CPAMD8: variants seen among roughly 807,000 people sequenced by gnomAD.
CPAMD8 encodes C3 and PZP like alpha-2-macroglobulin domain containing 8.
A neutral mutation model predicts 224.7 loss-of-function variants in CPAMD8; 146 were observed. The observed-to-expected ratio is 0.65, with a 90% CI of 0.57 to 0.75. The LOEUF (loss-of-function observed/expected upper bound fraction) is 0.75. Ranked by LOEUF, CPAMD8 falls within the 30% of genes least tolerant of loss-of-function variation. The pLI is 0.00. For synonymous variants in CPAMD8, 966 were observed against 1,044.6 expected, an observed-to-expected ratio of 0.92 and a Z score of 1.45; for missense variants, 2,301 against 2,537.5, an observed-to-expected ratio of 0.91 and a Z score of 2.00.
chr19:16,925,414 G>C, intron 25 of CPAMD8, 42 bp from the exon 26 acceptor site: 1 of 1,502,988 alleles, frequency 6.7e-7, no homozygotes, highest in Non-Finnish European at 9.3e-7. Context: ...GGCTGTCCCA[G>C]TTCAGTAGAG....
Position 16,966,595 on chromosome 19 carries a change from G to A in CPAMD8, c.2213+4296C>T, listed in dbSNP as rs1022655731. On this transcript the variant is annotated intron_variant, in intron 18 of 41. Coordinates refer to ENST00000443236, the MANE Select transcript of CPAMD8 (RefSeq NM_015692.5). ...AGAAAATTTTTGCAATCTACCCATC[G>A]GACAAAGCGCTAATATCCAAAATCT... Among the ~76,000 whole-genome samples, 22 of 152,004 alleles carry A rather than the reference G, an allele frequency of 1.4e-4. 1 individual carries two copies. Among genetic ancestry groups the A allele is most frequent in the South Asian group, 4.1e-4 (2 of 4,824 alleles).
At chr19:16,953,779 A>G (rs2054376059) in intron 19 of CPAMD8, among the ~76,000 whole-genome samples, 1 of 152,188 alleles carries the variant, frequency 6.6e-6, no homozygotes, top group African/African-American at 2.4e-5. Context: ...CTGAAACTCA[A>G]TAACAAAAAC....
chr19:16,955,296 GA>G (rs57169828), intron 19 of CPAMD8, among the ~76,000 whole-genome samples: 424 of 129,662 alleles, frequency 3.3e-3, no homozygotes, highest in Middle Eastern at 8.7e-3. Flanking sequence ...TCCATCTCAA[GA>G]AAAAAAAAAA....
At chr19:16,923,849 A>T (rs2053262191) in intron 26 of CPAMD8, among the ~76,000 whole-genome samples, 5 of 152,132 alleles carry the variant, frequency 3.3e-5, no homozygotes, top group Admixed American at 2.6e-4. Flanking sequence ...CCAGCTACTC[A>T]GGAGGCTGAG....
chr19:16,961,579 T>G (rs559158815), intron 18 of CPAMD8, among the ~76,000 whole-genome samples: 1 of 152,366 alleles, frequency 6.6e-6, no homozygotes, highest in East Asian at 1.9e-4. Flanking sequence ...TCCACCTCTG[T>G]GAGCAGGGCA....
chr19:17,021,693 G>T (rs976069388), intron 2 of CPAMD8, among the ~76,000 whole-genome samples: 5 of 152,166 alleles, frequency 3.3e-5, no homozygotes, highest in African/African-American at 7.2e-5. Flanking sequence ...CCAACAAAAG[G>T]TCAGAGGGGG....
At position 17,011,772 on chromosome 19, in the gene CPAMD8, A is replaced by G. The variant is rs1276617721; in HGVS notation, c.268-15T>C. On this transcript the variant is annotated splice_polypyrimidine_tract_variant and intron_variant, in intron 3 of 41. Transcript: ENST00000443236. ...CCCGTGGGCACCTGCAGGCAGAGGA[A>G]GGAGCTTTGGGACAAGAATTCACCC... The G allele has an allele frequency of 6.2e-7, 1 of 1,610,388 alleles. No individual in the cohort carries two copies. Among genetic ancestry groups the G allele is most frequent in the Admixed American group, 1.7e-5 (1 of 59,144 alleles).
intron 17 of CPAMD8, among the ~76,000 whole-genome samples, chr19:16,973,708 G>T (rs992297673): frequency 6.6e-6 from 1 of 152,010 alleles, no homozygotes; most frequent in African/African-American, 2.4e-5. Flanking sequence ...CATTTGAGTG[G>T]AGACCACCAG....
intron 20 of CPAMD8, among the ~76,000 whole-genome samples, chr19:16,950,699 G>A (rs926751348): frequency 6.6e-6 from 1 of 151,476 alleles, no homozygotes; most frequent in Non-Finnish European, 1.5e-5. Context: ...AGGCTGAGGA[G>A]GGGGGATTGC....
intron 41 of CPAMD8, chr19:16,895,513 G>GT (rs1480655909): frequency 1.0e-5 from 2 of 199,916 alleles, no homozygotes; most frequent in African/African-American, 4.7e-5. Context: ...TGGCTTAGTG[G>GT]TTGCAGGTGT....
chr19:16,948,812 A>G (rs1057112051), intron 20 of CPAMD8, among the ~76,000 whole-genome samples: 63 of 97,960 alleles, frequency 6.4e-4, no homozygotes, highest in Middle Eastern at 4.6e-3. Context: ...AGAGGGGAAG[A>G]GAGGGGAAGG....
In CPAMD8 at chr19:16,947,233, G is replaced by A. The variant is rs1486084918; in HGVS notation, c.2509-6C>T. The A allele has an allele frequency of 5.0e-6, 8 of 1,608,604 alleles. No individual in the cohort carries two copies. The African/African-American group carries it at 9.4e-5, about 19-fold the overall frequency. Reference sequence around the variant, plus strand: ...ACCGAGAGCTTCATGTACACCTGCAGAGGGTGGCATTGGCTCATGGCGCCT... The same window carrying A: ...ACCGAGAGCTTCATGTACACCTGCAAAGGGTGGCATTGGCTCATGGCGCCT... On this transcript the variant is annotated splice_region_variant and splice_polypyrimidine_tract_variant and intron_variant, in intron 20 of 41. Coordinates refer to ENST00000443236, the MANE Select transcript of CPAMD8 (RefSeq NM_015692.5).
At chr19:16,987,342 C>T (rs1318519224) in intron 13 of CPAMD8, among the ~76,000 whole-genome samples, 1 of 151,082 alleles carries the variant, frequency 6.6e-6, no homozygotes, top group Non-Finnish European at 1.5e-5. Flanking sequence ...GATTTTCTTC[C>T]ACCTCTGCCC....
intron 11 of CPAMD8, among the ~76,000 whole-genome samples, chr19:16,994,263 G>A (rs1446670162): frequency 6.6e-6 from 1 of 152,162 alleles, no homozygotes; most frequent in East Asian, 1.9e-4. Context: ...TGGCAAAGAG[G>A]TCATGAAGTA....
chr19:17,011,675 T>C lies in CPAMD8; in HGVS notation c.350A>G (p.Asn117Ser). The change falls in exon 4 of 42, where the codon AAC becomes AGC. Residue 117 changes from asparagine to serine, a missense_variant. This residue lies in a region of CPAMD8 where 283 missense variants were observed against 340.6 expected (regional missense o/e 0.83). Transcript: ENST00000443236. ...WQAEEGPLFH[N>S]QTSVTVDGRG... ...GCCGTCCACGGTCACCGAGGTCTGG[T>C]TGTGAAAGAGGGGCCCCTCCTCCGC... 8 of 1,613,916 alleles carry C rather than the reference T, an allele frequency of 5.0e-6. No individual in the cohort carries two copies. Among genetic ancestry groups the C allele is most frequent in the South Asian group, 1.1e-5 (1 of 91,064 alleles).
intron 29 of CPAMD8, among the ~76,000 whole-genome samples, chr19:16,911,306 A>G (rs1321354455): frequency 2.0e-5 from 3 of 151,094 alleles, no homozygotes; most frequent in Non-Finnish European, 2.9e-5. Context: ...GGGAGCATGA[A>G]CCCTATTGTG....
intron 13 of CPAMD8, among the ~76,000 whole-genome samples, chr19:16,985,619 G>C (rs1300877045): frequency 1.3e-5 from 2 of 151,002 alleles, no homozygotes; most frequent in Non-Finnish European, 3.0e-5. Flanking sequence ...ATGATGGATG[G>C]ATGAAGGGAG....
chr19:16,937,604 TA>T (rs1284753352), intron 23 of CPAMD8, among the ~76,000 whole-genome samples: 3 of 151,236 alleles, frequency 2.0e-5, no homozygotes, highest in Non-Finnish European at 4.4e-5. Context: ...ACCTCCCAAG[TA>T]GCTGGGATTA....
intron 27 of CPAMD8, among the ~76,000 whole-genome samples, chr19:16,917,895 C>G (rs1302437963): frequency 2.6e-5 from 4 of 152,158 alleles, no homozygotes; most frequent in African/African-American, 9.7e-5. Flanking sequence ...GGACTGGTTC[C>G]AGGACCCCCA....
Sources: allele counts gnomAD v4.1 joint callset (sites outside exome capture counted in the v4.1 genomes callset), GRCh38; gene constraint gnomAD v4.1.1; regional missense constraint gnomAD v4.1.1; transcripts MANE v1.5; gene names NCBI Gene and HGNC (gene_info 2026-07-23, HGNC 2026-07-21).